The following SLC4A4 variants were observed in gnomAD, a reference collection of about 807,000 sequenced individuals.
SLC4A4 encodes the protein solute carrier family 4 member 4, also known as electrogenic sodium bicarbonate cotransporter 1.
SLC4A4 carries 27 observed loss-of-function variants against 111.5 expected under a neutral mutation model. The ratio of observed to expected loss-of-function variants is 0.24; its 90% CI spans 0.18 to 0.33. SLC4A4 has a LOEUF of 0.33. SLC4A4 is among the 10% of genes least tolerant of loss of function. The pLI is 1.00. For missense variants in SLC4A4, 909 were observed against 1,315.5 expected (o/e 0.69, Z 4.78); for synonymous variants, 443 against 463.4 (o/e 0.96, Z 0.57).
chr4:71,363,069 A>C (rs1357559241), intron 6 of SLC4A4, among the ~76,000 whole-genome samples: 1 of 152,202 alleles, frequency 6.6e-6, no homozygotes, highest in African/African-American at 2.4e-5. Flanking sequence ...GTTATCTGCC[A>C]GGTGGGATGC....
intron 1 of SLC4A4, among the ~76,000 whole-genome samples, chr4:71,196,939 G>A (rs1053348208): frequency 6.7e-6 from 1 of 150,198 alleles, no homozygotes; most frequent in African/African-American, 2.4e-5. Context: ...TTCTGGCTGG[G>A]CACGGTGGCT....
chr4:71,409,620 C>T (rs1382861189), intron 7 of SLC4A4, among the ~76,000 whole-genome samples: 1 of 152,182 alleles, frequency 6.6e-6, no homozygotes, highest in Non-Finnish European at 1.5e-5. Context: ...CATAAAAGTT[C>T]CGAAAATTTG....
intron 17 of SLC4A4, among the ~76,000 whole-genome samples, chr4:71,533,387 C>G (rs1734116800): frequency 6.6e-6 from 1 of 152,094 alleles, no homozygotes; most frequent in Non-Finnish European, 1.5e-5. Flanking sequence ...AATTATGAGA[C>G]AGATGATGGG....
At chr4:71,383,888 T>C (rs967259679) in intron 6 of SLC4A4, among the ~76,000 whole-genome samples, 2 of 152,224 alleles carry the variant, frequency 1.3e-5, no homozygotes, top group Non-Finnish European at 2.9e-5. Context: ...TGTCTTCTCC[T>C]CTACTGCCCC....
chr4:71,145,656 T>G (rs1205602838), intron 2 of SLC4A4, among the ~76,000 whole-genome samples: 1 of 152,232 alleles, frequency 6.6e-6, no homozygotes, highest in Admixed American at 6.5e-5. Context: ...AGATTCAACT[T>G]CTTCCTGGTT....
chr4:71,119,677 T>A (rs1244284898), intron 2 of SLC4A4, among the ~76,000 whole-genome samples: 2 of 152,250 alleles, frequency 1.3e-5, no homozygotes, highest in Non-Finnish European at 2.9e-5. Flanking sequence ...TTGGCTTGAA[T>A]CTGGCTTGAA....
chr4:71,301,826 C>T (rs887775038), intron 3 of SLC4A4, among the ~76,000 whole-genome samples: 4 of 152,320 alleles, frequency 2.6e-5, no homozygotes, highest in Admixed American at 1.3e-4. Flanking sequence ...CTGCTGTTGA[C>T]TTTGTCTTCC....
intron 3 of SLC4A4, among the ~76,000 whole-genome samples, chr4:71,330,193 G>A (rs926407270): frequency 6.6e-5 from 10 of 152,080 alleles, no homozygotes; most frequent in African/African-American, 2.2e-4. Flanking sequence ...TTTTTAATGT[G>A]TGTTGAATTT....
chr4:71,376,773 A>G (rs921250949), intron 6 of SLC4A4, among the ~76,000 whole-genome samples: 1 of 151,778 alleles, frequency 6.6e-6, no homozygotes, highest in Non-Finnish European at 1.5e-5. Context: ...AGTAGCTGGG[A>G]CTACATATGT....
chr4:71,260,644 C>G (rs1198607401), intron 3 of SLC4A4, among the ~76,000 whole-genome samples: 1 of 152,104 alleles, frequency 6.6e-6, no homozygotes, highest in African/African-American at 2.4e-5. Flanking sequence ...TACAGTTTGC[C>G]TTTTCAGAAG....
At chr4:71,267,396 G>C (rs1722348016) in intron 3 of SLC4A4, among the ~76,000 whole-genome samples, 2 of 152,118 alleles carry the variant, frequency 1.3e-5, no homozygotes, top group South Asian at 2.1e-4. Flanking sequence ...CAGGTCACAA[G>C]AAGAGCACAA....
At chr4:71,458,248 A>C (rs1021327680) in intron 12 of SLC4A4, among the ~76,000 whole-genome samples, 1 of 152,128 alleles carries the variant, frequency 6.6e-6, no homozygotes, top group Non-Finnish European at 1.5e-5. Flanking sequence ...TATGCAAATT[A>C]AATCAACACA....
chr4:71,563,972 T>A, intron 24 of SLC4A4, 83 bp downstream of exon 24: 1 of 869,912 alleles, frequency 1.1e-6, no homozygotes, highest in Non-Finnish European at 2.0e-6. Flanking sequence ...CCATCTGCAT[T>A]AACTTTCCCT....
chr4:71,313,202 C>T (rs968532447), intron 3 of SLC4A4, among the ~76,000 whole-genome samples: 1 of 152,038 alleles, frequency 6.6e-6, no homozygotes, highest in African/African-American at 2.4e-5. Context: ...AATAAAATAC[C>T]GAGGAATACA....
Position 71,094,926 on chromosome 4 carries a change from AAGTT to A in SLC4A4, c.-2+2137_-2+2140del, listed in dbSNP as rs368646215. On this transcript the variant is annotated intron_variant, in intron 2 of 26. Coordinates refer to the SLC4A4 transcript ENST00000649996. Reference sequence around the variant, plus strand: ...CATCAGTTTTCAATGAACAGGCTAAAAGTTAGGCATTAATTAATTAGGTGTACTT... The same window carrying A: ...CATCAGTTTTCAATGAACAGGCTAAAAGGCATTAATTAATTAGGTGTACTT... 1.8e-4 allele frequency among the ~76,000 whole-genome samples: 27 copies of A among 152,276 alleles called. 1 individual carries two copies. In the South Asian group the frequency reaches 5.0e-3, roughly 28 times the overall value.
At position 71,312,598 on chromosome 4, in the gene SLC4A4, G is replaced by A. The variant is rs141340393; in HGVS notation, c.254-26772G>A. ...CATGATCAAGTTGGCTTCATCCCTG[G>A]GATGCAAGGCTGGTTCAACATATGC... On this transcript the variant is annotated intron_variant, in intron 3 of 25. Transcript: ENST00000264485. Among the ~76,000 whole-genome samples, 1,365 of 152,158 alleles carry A rather than the reference G, an allele frequency of 9.0e-3. 22 individuals carry two copies. Among genetic ancestry groups the A allele is most frequent in the African/African-American group, 0.032 (1,313 of 41,492 alleles).
At chr4:71,128,686 G>T (rs1306321649) in intron 2 of SLC4A4, among the ~76,000 whole-genome samples, 1 of 152,004 alleles carries the variant, frequency 6.6e-6, no homozygotes, top group Non-Finnish European at 1.5e-5. Context: ...ATGGGGTTTT[G>T]CTATGTTGGC....
At chr4:71,545,156 A>G (rs190498331) in intron 18 of SLC4A4, among the ~76,000 whole-genome samples, 106 of 152,176 alleles carry the variant, frequency 7.0e-4, no homozygotes, top group African/African-American at 2.1e-3. Context: ...TTTTGTTCTT[A>G]GCCAAGCCTG....
At chr4:71,216,669 T>G (rs1253273329) in intron 1 of SLC4A4, among the ~76,000 whole-genome samples, 1 of 152,190 alleles carries the variant, frequency 6.6e-6, no homozygotes, top group Non-Finnish European at 1.5e-5. Flanking sequence ...TATCTGGTTA[T>G]CCCTCCTGCT....
Sources: allele counts gnomAD v4.1 joint callset (sites outside exome capture counted in the v4.1 genomes callset), GRCh38; gene constraint gnomAD v4.1.1; transcripts MANE v1.5; gene names NCBI Gene and HGNC (gene_info 2026-07-23, HGNC 2026-07-21).